CROT: variants seen among roughly 807,000 people sequenced by gnomAD.
CROT encodes the protein carnitine O-octanoyltransferase.
A neutral mutation model predicts 89.2 loss-of-function variants in CROT; 84 were observed. That is an observed-to-expected ratio of 0.94 (90% confidence interval 0.79 to 1.13). CROT has a LOEUF of 1.13. Ranked by LOEUF, CROT falls within the 50% of genes most tolerant of loss-of-function variation. The pLI, the probability that CROT is intolerant of heterozygous loss-of-function variation, is 0.00. For synonymous variants in CROT, 212 were observed against 239.5 expected (o/e 0.89, Z 1.06); for missense variants, 711 against 727.8 (o/e 0.98, Z 0.27).
chr7:87,347,610 A>T (rs888463333), intron 2 of CROT, among the ~76,000 whole-genome samples: 1 of 152,248 alleles, frequency 6.6e-6, no homozygotes, highest in Non-Finnish European at 1.5e-5. Flanking sequence ...TCTCATTTTC[A>T]AATTATCTCT....
At chr7:87,361,245 G>T (rs1806258394) in intron 4 of CROT, 145 bp from the exon 5 acceptor site, 3 of 782,460 alleles carry the variant, frequency 3.8e-6, no homozygotes, top group Non-Finnish European at 2.0e-6. Context: ...TTATAGGTGT[G>T]AGTCACCTCA....
rs1451479625 is a variant in CROT at position 87,392,806 on chromosome 7, C to A, written c.1581C>A (p.Asp527Glu). Residue 527 changes from aspartate (D) to glutamate (E), a missense_variant, in exon 16 of 18, where the codon GAC becomes GAA. Asp to Glu is a conservative substitution (Grantham distance 45, BLOSUM62 2). Coordinates refer to ENST00000331536, the MANE Select transcript of CROT (RefSeq NM_021151.4). ...TTCCTGTTCCAGAACTCTTTACGGA[C>A]CCACTTTTTTCCAAAAGGTAATATA... ...EGLPVPELFT[D>E]PLFSKSGGGG... is the part of the protein sequence containing the mutation. 16 of 1,613,364 alleles carry A rather than the reference C, an allele frequency of 9.9e-6. No homozygotes were observed. Among genetic ancestry groups the A allele is most frequent in the African/African-American group, 4.0e-5 (3 of 74,902 alleles).
rs1805680451 is a variant in CROT, at chr7:87,346,439, C to A, written c.-22+9C>A. ...ATCTTCTTGGTGTACTGGTATGTGACAATTCCTTCACGTATTGTTCGTGGT... is the reference window on the plus strand; with the variant it reads ...ATCTTCTTGGTGTACTGGTATGTGAAAATTCCTTCACGTATTGTTCGTGGT... On this transcript the variant is annotated intron_variant, in intron 2 of 17. Coordinates refer to ENST00000331536, the MANE Select transcript of CROT (RefSeq NM_021151.4). The A allele has an allele frequency of 1.3e-5, 2 of 152,208 alleles. No individual in the cohort carries two copies. Among genetic ancestry groups the A allele is most frequent in the African/African-American group, 4.8e-5 (2 of 41,450 alleles). The allele number at this position is 152,208 out of a possible 1,614,324, so 9.4% of individuals were successfully genotyped here.
intron 10 of CROT, among the ~76,000 whole-genome samples, chr7:87,379,584 G>C (rs1220344006): frequency 1.3e-5 from 2 of 152,172 alleles, no homozygotes; most frequent in Non-Finnish European, 2.9e-5. Flanking sequence ...AATCTTGTCT[G>C]TCTCTGAATA....
At chr7:87,393,137 C>T (rs1223172426) in intron 17 of CROT, 70 bp downstream of exon 17, 4 of 1,465,722 alleles carry the variant, frequency 2.7e-6, no homozygotes, top group Non-Finnish European at 9.3e-7. Flanking sequence ...TTTTAAATGC[C>T]TTTCCTACAC....
At chr7:87,375,347 A>G (rs1806774150) in intron 7 of CROT, 1 of 309,908 alleles carries the variant, frequency 3.2e-6, no homozygotes, top group Non-Finnish European at 6.0e-6. Flanking sequence ...CTTGCAACCT[A>G]GAAGTGCATG....
At chr7:87,352,559 A>G (rs1220040518) in intron 3 of CROT, among the ~76,000 whole-genome samples, 2 of 152,260 alleles carry the variant, frequency 1.3e-5, no homozygotes, top group Non-Finnish European at 2.9e-5. Flanking sequence ...GCAATTAGCC[A>G]TATAAAATAC....
chr7:87,392,941 C>T lies in CROT; in HGVS notation c.1599-7C>T. ...CTAGTAAAATGTTCTTTTATTGTGC[C>T]ACACAGCGGAGGAGGTGGAAATTTT... is the stretch of plus-strand genomic sequence containing the variant. On this transcript the variant is annotated splice_region_variant and splice_polypyrimidine_tract_variant and intron_variant, in intron 16 of 17. Coordinates refer to ENST00000331536, the MANE Select transcript of CROT (RefSeq NM_021151.4). 6.2e-7 allele frequency: 1 copy of T among 1,613,362 alleles called. No homozygotes were observed. The highest frequency in any genetic ancestry group is 8.5e-7 in the Non-Finnish European group (1 of 1,179,654).
rs1807398202 is a variant in CROT, at chr7:87,392,574, G to C, written c.1434G>C (p.Glu478Asp). The C allele has an allele frequency of 2.5e-6, 4 of 1,613,158 alleles. No individual in the cohort carries two copies. The East Asian group carries it at 8.9e-5, about 36-fold the overall frequency. Residue 478 changes from glutamate to aspartate, a missense_variant, in exon 15 of 18, where the codon GAG becomes GAC. By Grantham distance (45) the Glu-to-Asp change is conservative. Transcript: ENST00000331536. The stretch of plus-strand genomic sequence containing the variant: ...CTCGATTTTTAATACAGCTTCGTGA[G>C]CGGCAGCAAAAGATGTTACAAGCTT... ...SMQDPSVNLRERQQKMLQAFA... is the reference protein window; with the variant it reads ...SMQDPSVNLRDRQQKMLQAFA...
At chr7:87,392,690 A>C in intron 15 of CROT, 40 bp from the exon 16 acceptor site, 1 of 1,611,120 alleles carries the variant, frequency 6.2e-7, no homozygotes, top group Non-Finnish European at 8.5e-7. Flanking sequence ...CTCATGGTGA[A>C]AAATTTTTTT....
At chr7:87,381,879 T>C in intron 10 of CROT, 31 bp from the exon 11 acceptor site, 1 of 1,451,572 alleles carries the variant, frequency 6.9e-7, no homozygotes, top group East Asian at 2.3e-5. Flanking sequence ...TGACATAAAG[T>C]ATTCAGAAAT....
chr7:87,349,214 T>C, intron 3 of CROT, 31 bp downstream of exon 3: 1 of 1,068,962 alleles, frequency 9.4e-7, no homozygotes, highest in Non-Finnish European at 1.3e-6. Flanking sequence ...TATATATTAA[T>C]ATTATTAGTA....
intron 2 of CROT, among the ~76,000 whole-genome samples, chr7:87,348,683 T>G (rs1805773860): frequency 6.6e-6 from 1 of 152,220 alleles, no homozygotes; most frequent in Non-Finnish European, 1.5e-5. Context: ...TTCTGAGTTT[T>G]GATATATTCA....
Position 87,366,350 on chromosome 7 carries a change from T to C in CROT, c.548-3026T>C, listed in dbSNP as rs550055047. Reference sequence around the variant, plus strand: ...CCCTTCGTCCTTAACAATTTTAGCCTTTTTGGGGAAAAAAAAATGCCTTCA... The same window carrying C: ...CCCTTCGTCCTTAACAATTTTAGCCCTTTTGGGGAAAAAAAAATGCCTTCA... On this transcript the variant is annotated intron_variant, in intron 6 of 17. Coordinates refer to ENST00000331536, the MANE Select transcript of CROT (RefSeq NM_021151.4). Among the ~76,000 whole-genome samples the C allele has an allele frequency of 9.7e-4, 148 of 152,078 alleles. 1 individual carries two copies. The highest frequency in any genetic ancestry group is 3.4e-3 in the African/African-American group (142 of 41,472).
chr7:87,385,215 T>C (rs1407703832), intron 13 of CROT, among the ~76,000 whole-genome samples: 1 of 152,132 alleles, frequency 6.6e-6, no homozygotes, highest in Non-Finnish European at 1.5e-5. Context: ...GATTTTTTTT[T>C]CCTATTTTTG....
At chr7:87,372,763 G>T (rs189686737) in intron 7 of CROT, among the ~76,000 whole-genome samples, 2 of 152,030 alleles carry the variant, frequency 1.3e-5, no homozygotes, top group Non-Finnish European at 2.9e-5. Context: ...AGGTTCATCC[G>T]TGTTTTAGCA....
intron 10 of CROT, among the ~76,000 whole-genome samples, chr7:87,380,130 AAAAT>A (rs1424676442): frequency 6.7e-6 from 1 of 148,328 alleles, no homozygotes; most frequent in African/African-American, 2.5e-5. Flanking sequence ...AATAAGAAGA[AAAAT>A]AAGCATATGT....
chr7:87,357,182 T>G (rs80049785), intron 3 of CROT, among the ~76,000 whole-genome samples: 1,649 of 152,260 alleles, frequency 0.011, 34 homozygotes, highest in African/African-American at 0.038. Flanking sequence ...AAAGCTGCAG[T>G]AAAGCAAAGG....
intron 6 of CROT, among the ~76,000 whole-genome samples, chr7:87,365,454 C>T (rs1275650641): frequency 6.7e-6 from 1 of 150,230 alleles, no homozygotes; most frequent in Non-Finnish European, 1.5e-5. Flanking sequence ...CATGCCACTG[C>T]ACTCCGGCCT....
Sources: gnomAD v4.1 joint callset for allele counts (sites outside exome capture counted in the v4.1 genomes callset) on GRCh38, gnomAD v4.1.1 for gene constraint, MANE v1.5 for transcripts, NCBI Gene and HGNC (gene_info 2026-07-23, HGNC 2026-07-21) for gene names.